Variants in RBFOX1 observed in about 807,000 individuals in gnomAD.
The protein encoded by RBFOX1 is RNA binding protein fox-1 homolog 1.
Under a neutral mutation model 57.7 loss-of-function variants are expected in RBFOX1, and 8 were observed. That is an observed-to-expected ratio of 0.14 (90% confidence interval 0.08 to 0.25). The LOEUF (loss-of-function observed/expected upper bound fraction) is 0.25. Ranked by LOEUF, RBFOX1 falls within the 10% of genes least tolerant of loss-of-function variation. The probability of loss-of-function intolerance (pLI) is 1.00; values close to 1 mark genes in which losing one functional copy is unlikely to be tolerated. For synonymous variants in RBFOX1, 326 were observed against 222.4 expected (o/e 1.47, Z -4.15); for missense variants, 611 against 548.5 (o/e 1.11, Z -1.14).
At chr16:6,050,646 T>G (rs1358484063) in intron 1 of RBFOX1, among the ~76,000 whole-genome samples, 3 of 152,106 alleles carry the variant, frequency 2.0e-5, no homozygotes, top group Non-Finnish European at 4.4e-5. Context: ...GGGGTTGCAA[T>G]TTAGTGACAC....
At chr16:5,399,984 A>G (rs80116122) in intron 1 of RBFOX1, among the ~76,000 whole-genome samples, 2,139 of 152,128 alleles carry the variant, frequency 0.014, 20 homozygotes, top group African/African-American at 0.021. Context: ...CTGTCTAACC[A>G]TATGTTTGCC....
At position 5,353,736 on chromosome 16, in the gene RBFOX1, A is replaced by ACAAC. The variant is rs1555498171; in HGVS notation, c.220-113480_220-113479insCAAC. Among the ~76,000 whole-genome samples the ACAAC allele has an allele frequency of 4.0e-5, 6 of 148,646 alleles. No homozygotes were observed. The East Asian group carries it at 1.0e-3, about 25-fold the overall frequency. ...TAATTTCCCATTGAGGAAAAAAAAA[A>ACAAC]AAACCTCGCCATGCCCTGTGAGACA... is the stretch of plus-strand genomic sequence containing the variant. On this transcript the variant is annotated intron_variant, in intron 1 of 2. Transcript: ENST00000585867.
In RBFOX1 at chr16:5,820,717, C is replaced by T. The variant is rs200941024; in HGVS notation, c.319-46586C>T. ...AATTGTTGGGACGCGACTCCAGCAG[C>T]GTCCTGAGTGACACCGTTCCCCCGT... On this transcript the variant is annotated intron_variant, in intron 3 of 19. Transcript: ENST00000641259. 4.6e-5 allele frequency among the ~76,000 whole-genome samples: 7 copies of T among 152,304 alleles called. No individual in the cohort carries two copies. In the East Asian group the frequency reaches 5.8e-4, roughly 13 times the overall value.
chr16:7,389,979 T>C (rs1376715740), intron 4 of RBFOX1, among the ~76,000 whole-genome samples: 2 of 152,206 alleles, frequency 1.3e-5, no homozygotes, highest in African/African-American at 2.4e-5. Flanking sequence ...CTCACAGTTC[T>C]GTGGGTTGTA....
chr16:7,660,950 C>T (rs144156358), intron 12 of RBFOX1, among the ~76,000 whole-genome samples: 9 of 152,254 alleles, frequency 5.9e-5, no homozygotes, highest in African/African-American at 2.2e-4. Context: ...TTCTACATGT[C>T]TAAAGAGGCA....
rs572957078 is a variant in RBFOX1 at position 5,287,565 on chromosome 16, C to T, written c.219+47460C>T. ...AATCTCAGTGGCTTAATACAACAATCGTTTATTTTCATGGATCTATGGATC... is the reference window on the plus strand; with the variant it reads ...AATCTCAGTGGCTTAATACAACAATTGTTTATTTTCATGGATCTATGGATC... On this transcript the variant is annotated intron_variant, in intron 1 of 2. Transcript: ENST00000585867. Among the ~76,000 whole-genome samples, 141 of 152,252 alleles carry T rather than the reference C, an allele frequency of 9.3e-4. 3 individuals are homozygous for T. Among genetic ancestry groups the T allele is most frequent in the Admixed American group, 2.7e-3 (41 of 15,306 alleles).
chr16:6,542,308 C>A (rs193165218), intron 2 of RBFOX1, among the ~76,000 whole-genome samples: 8 of 151,996 alleles, frequency 5.3e-5, no homozygotes, highest in African/African-American at 1.9e-4. Context: ...TTTTCTCTTT[C>A]TTGAGTAGCA....
intron 3 of RBFOX1, among the ~76,000 whole-genome samples, chr16:6,735,863 C>T (rs1311768645): frequency 6.6e-6 from 1 of 152,038 alleles, no homozygotes. Flanking sequence ...TTCACAGGCC[C>T]TCCTTCTGAG....
chr16:5,746,149 C>G (rs1340853427), intron 3 of RBFOX1, among the ~76,000 whole-genome samples: 1 of 152,206 alleles, frequency 6.6e-6, no homozygotes, highest in African/African-American at 2.4e-5. Context: ...TTTCAGCTTT[C>G]TCTATATGGC....
chr16:7,210,767 G>T (rs765570131), intron 4 of RBFOX1, among the ~76,000 whole-genome samples: 2 of 152,096 alleles, frequency 1.3e-5, no homozygotes, highest in Non-Finnish European at 2.9e-5. Flanking sequence ...TAAATGACAT[G>T]TCCAAGGTCA....
chr16:6,019,713 G>T lies in RBFOX1; in HGVS notation c.-406G>T. On this transcript the variant is annotated 5_prime_UTR_variant, in exon 1 of 16. It adds an upstream start codon to the 5' untranslated region. Transcript: ENST00000550418. The surrounding 1 kb of genome is among the most constrained non-coding windows in gnomAD (Gnocchi z 4.2). ...GCTTCTTGCCCAGGCAGAGAGAGCA[G>T]GAGCGGACCGCGCGCCCGGGATTGA... 7.3e-7 allele frequency: 1 copy of T among 1,372,868 alleles called. No individual in the cohort carries two copies. Among genetic ancestry groups the T allele is most frequent in the Non-Finnish European group, 9.4e-7 (1 of 1,063,308 alleles). 85.0% of individuals were successfully genotyped at this position (1,372,868 alleles called of 1,614,324 possible).
At chr16:5,822,975 T>C (rs74004632) in intron 3 of RBFOX1, among the ~76,000 whole-genome samples, 4,055 of 152,266 alleles carry the variant, frequency 0.027, 149 homozygotes, top group African/African-American at 0.091. Context: ...GCTTCAGAGG[T>C]CTTAGGGCAC....
chr16:5,920,838 A>T (rs7184562), intron 4 of RBFOX1, among the ~76,000 whole-genome samples: 1,701 of 152,306 alleles, frequency 0.011, 31 homozygotes, highest in African/African-American at 0.039. Context: ...AAAGGACAAA[A>T]TAAGTACATT....
intron 3 of RBFOX1, among the ~76,000 whole-genome samples, chr16:5,736,904 C>T (rs557571772): frequency 8.4e-4 from 123 of 146,378 alleles, no homozygotes; most frequent in Non-Finnish European, 1.5e-3. Context: ...TCTCCCCCTC[C>T]GTCTCTCTCC....
At chr16:6,358,861 G>A (rs1308076607) in intron 2 of RBFOX1, among the ~76,000 whole-genome samples, 1 of 152,212 alleles carries the variant, frequency 6.6e-6, no homozygotes. Flanking sequence ...AGGGGAGAAA[G>A]TGCTGTTTGA....
intron 2 of RBFOX1, among the ~76,000 whole-genome samples, chr16:6,347,613 T>C (rs1327661007): frequency 1.3e-5 from 2 of 152,080 alleles, no homozygotes; most frequent in Non-Finnish European, 2.9e-5. Flanking sequence ...CAAGAGACGG[T>C]TGGGTGAAGG....
chr16:7,336,524 T>C (rs2096791143), intron 4 of RBFOX1, among the ~76,000 whole-genome samples: 1 of 152,238 alleles, frequency 6.6e-6, no homozygotes, highest in Admixed American at 6.5e-5. Flanking sequence ...ATTCACTGTA[T>C]ACTCAACCTA....
chr16:5,594,436 C>T (rs7198510), intron 2 of RBFOX1, among the ~76,000 whole-genome samples: 2,639 of 121,134 alleles, frequency 0.022, 67 homozygotes, highest in African/African-American at 0.071. Context: ...GAGGTCCTGA[C>T]GACATCTGCC....
chr16:6,236,776 G>C (rs1455389419), intron 1 of RBFOX1, among the ~76,000 whole-genome samples: 2 of 152,024 alleles, frequency 1.3e-5, no homozygotes, highest in African/African-American at 4.8e-5. Flanking sequence ...TTTGCCAGAT[G>C]CTTTTTGTGT....
Sources: gnomAD v4.1 joint callset for allele counts (sites outside exome capture counted in the v4.1 genomes callset) on GRCh38, gnomAD v4.1.1 for gene constraint, Gnocchi (gnomAD v3.1) non-coding constraint, MANE v1.5 for transcripts, NCBI Gene and HGNC (gene_info 2026-07-23, HGNC 2026-07-21) for gene names.